TENT2: variants seen among roughly 807,000 people sequenced by gnomAD.
TENT2 encodes poly(A) RNA polymerase GLD2.
A neutral mutation model predicts 72.2 loss-of-function variants in TENT2; 44 were observed. The observed-to-expected ratio is 0.61, with a 90% confidence interval of 0.48 to 0.78. The LOEUF (loss-of-function observed/expected upper bound fraction) is 0.78, where lower values mean the gene tolerates loss of function less well. TENT2 is among the 30% of genes least tolerant of loss of function. The pLI, the probability that TENT2 is intolerant of heterozygous loss-of-function variation, is 0.00. For synonymous variants in TENT2, 212 were observed against 192.5 expected, an observed-to-expected ratio of 1.10 and a Z score of -0.84; for missense variants, 541 against 569.6, an observed-to-expected ratio of 0.95 and a Z score of 0.51.
intron 10 of TENT2, among the ~76,000 whole-genome samples, chr5:79,652,759 T>A (rs542808592): frequency 1.3e-5 from 2 of 152,270 alleles, no homozygotes; most frequent in East Asian, 1.9e-4. Context: ...TGACATTGGC[T>A]GTTTTAGATA....
rs1241367088 is a variant in TENT2 at position 79,660,182 on chromosome 5, GATAAAAGGCT to G, written c.1071+3187_1071+3196del. On this transcript the variant is annotated intron_variant, in intron 11 of 14. Coordinates refer to ENST00000453514, the MANE Select transcript of TENT2 (RefSeq NM_001114394.3). ...TTCAGTTCAGTTGTGATATGAAAGG[GATAAAAGGCT>G]ATAAACATCATTGTCTCTAAAAACT... Among the ~76,000 whole-genome samples, 3 of 151,896 alleles carry G rather than the reference GATAAAAGGCT, an allele frequency of 2.0e-5. No individual in the cohort carries two copies. In the East Asian group the frequency reaches 5.8e-4, roughly 29 times the overall value.
chr5:79,673,762 A>G (rs1213378231), intron 12 of TENT2, among the ~76,000 whole-genome samples: 11 of 152,150 alleles, frequency 7.2e-5, no homozygotes, highest in Non-Finnish European at 1.5e-5. Flanking sequence ...TACTGAGTAG[A>G]CAGTTGGATA....
At chr5:79,666,366 C>T (rs899205457) in intron 11 of TENT2, among the ~76,000 whole-genome samples, 21 of 149,024 alleles carry the variant, frequency 1.4e-4, no homozygotes, top group African/African-American at 5.2e-4. Flanking sequence ...CTGGGGATGT[C>T]TTTTCTTTCT....
chr5:79,627,171 A>G (rs957344376), intron 4 of TENT2, among the ~76,000 whole-genome samples: 3 of 151,708 alleles, frequency 2.0e-5, no homozygotes, highest in African/African-American at 7.3e-5. Flanking sequence ...TAAGGTATGT[A>G]TGCTGGTAGC....
chr5:79,674,441 AT>A (rs1470995431), intron 12 of TENT2, among the ~76,000 whole-genome samples: 19 of 152,304 alleles, frequency 1.2e-4, no homozygotes, highest in African/African-American at 4.6e-4. Flanking sequence ...ACTTTATTAG[AT>A]TTAAAGAGAT....
intron 3 of TENT2, chr5:79,620,759 A>G (rs1466947050): frequency 2.0e-5 from 3 of 152,224 alleles, no homozygotes; most frequent in Non-Finnish European, 4.4e-5. Flanking sequence ...TAGGACTTCA[A>G]CATCTGAATT....
intron 1 of TENT2, among the ~76,000 whole-genome samples, chr5:79,618,314 C>T (rs1421813055): frequency 6.6e-6 from 1 of 152,096 alleles, no homozygotes; most frequent in Non-Finnish European, 1.5e-5. Context: ...ACAGCCTTGA[C>T]CTCCTGGACT....
At chr5:79,628,216 A>G (rs1398939653) in intron 4 of TENT2, among the ~76,000 whole-genome samples, 1 of 152,184 alleles carries the variant, frequency 6.6e-6, no homozygotes, top group Non-Finnish European at 1.5e-5. Context: ...TGTTTGGTTT[A>G]CCTCTGTTTA....
At position 79,619,667 on chromosome 5, in the gene TENT2, T is replaced by A; in HGVS notation, c.19T>A (p.Leu7Met). 1 of 1,613,736 alleles carries A rather than the reference T, an allele frequency of 6.2e-7. No homozygotes were observed. Among genetic ancestry groups the A allele is most frequent in the Non-Finnish European group, 8.5e-7 (1 of 1,179,794 alleles). Residue 7 changes from leucine to methionine, a missense_variant, in exon 2 of 15, where the codon TTG (leucine) becomes ATG (methionine). Leu to Met is a conservative substitution (Grantham distance 15, BLOSUM62 2). Transcript: ENST00000453514. ...CAAGAGCATGTTCCCAAACTCAATTTTGGGTCGCCCACCCTTCACTCCAAA... is the reference window on the plus strand; with the variant it reads ...CAAGAGCATGTTCCCAAACTCAATTATGGGTCGCCCACCCTTCACTCCAAA... Reference protein sequence around the residue: MFPNSILGRPPFTPNHQ... With the variant: MFPNSIMGRPPFTPNHQ...
intron 4 of TENT2, among the ~76,000 whole-genome samples, chr5:79,634,874 G>A (rs111662195): frequency 0.01 from 1,582 of 151,006 alleles, 33 homozygotes; most frequent in African/African-American, 0.037. Flanking sequence ...TTTGAGATGG[G>A]GTCTTACTAA....
At chr5:79,618,771 T>C (rs780194387) in intron 1 of TENT2, among the ~76,000 whole-genome samples, 5 of 152,204 alleles carry the variant, frequency 3.3e-5, no homozygotes, top group Non-Finnish European at 7.3e-5. Flanking sequence ...TTAAGTTGAT[T>C]AGTTAGCTAC....
At chr5:79,651,742 C>T (rs1459799368) in intron 10 of TENT2, among the ~76,000 whole-genome samples, 1 of 151,998 alleles carries the variant, frequency 6.6e-6, no homozygotes, top group African/African-American at 2.4e-5. Flanking sequence ...TACCTTTAGA[C>T]ACATCTTCAT....
Position 79,641,090 on chromosome 5 carries a change from C to T in TENT2, c.581-15C>T, listed in dbSNP as rs746821002. ...AGATTTTAAATACTCTTATTACTTT[C>T]TTCTGTTTCTTTAGAAAGCAGACTT... is the stretch of plus-strand genomic sequence containing the variant. On this transcript the variant is annotated splice_polypyrimidine_tract_variant and intron_variant, in intron 5 of 14. Transcript: ENST00000453514. 1.4e-5 allele frequency: 22 copies of T among 1,553,108 alleles called. 3 individuals are homozygous for T. In the South Asian group the frequency reaches 2.7e-4, roughly 19 times the overall value.
intron 1 of TENT2, among the ~76,000 whole-genome samples, 171 bp from the exon 2 acceptor site, chr5:79,619,441 T>C (rs990097972): frequency 6.6e-6 from 1 of 152,218 alleles, no homozygotes; most frequent in African/African-American, 2.4e-5. Context: ...TTGGAATTTA[T>C]TATTAGTTTT....
intron 4 of TENT2, among the ~76,000 whole-genome samples, chr5:79,629,962 C>T (rs907009069): frequency 6.6e-6 from 1 of 151,310 alleles, no homozygotes; most frequent in Non-Finnish European, 1.5e-5. Flanking sequence ...GGTGAAACCC[C>T]GTCTCTACTA....
intron 12 of TENT2, among the ~76,000 whole-genome samples, chr5:79,676,631 G>C (rs79842938): frequency 0.01 from 1,576 of 152,068 alleles, 21 homozygotes; most frequent in African/African-American, 0.036. Context: ...ATTGATGAAT[G>C]CCAGTCTGTT....
intron 12 of TENT2, among the ~76,000 whole-genome samples, chr5:79,672,456 C>T (rs1813675152): frequency 6.6e-6 from 1 of 152,136 alleles, no homozygotes; most frequent in Admixed American, 6.5e-5. Context: ...TCCGCCTCTC[C>T]CTGCCACTGC....
chr5:79,659,079 T>C (rs1800057377), intron 11 of TENT2, among the ~76,000 whole-genome samples: 1 of 152,136 alleles, frequency 6.6e-6, no homozygotes, highest in South Asian at 2.1e-4. Context: ...AAATATTTAA[T>C]TAATTTACCT....
intron 11 of TENT2, among the ~76,000 whole-genome samples, chr5:79,667,476 T>C (rs1190967784): frequency 6.6e-6 from 1 of 152,188 alleles, no homozygotes; most frequent in Non-Finnish European, 1.5e-5. Flanking sequence ...CTTTAGTCTT[T>C]ACTAATTGAG....
Sources: allele counts gnomAD v4.1 joint callset (sites outside exome capture counted in the v4.1 genomes callset), GRCh38; gene constraint gnomAD v4.1.1; transcripts MANE v1.5; gene names NCBI Gene and HGNC (gene_info 2026-07-23, HGNC 2026-07-21).